SETBP1: variants seen among roughly 807,000 people sequenced by gnomAD.
SETBP1 encodes the protein SET binding protein 1, also known as SET-binding protein.
Under a neutral mutation model 101.0 loss-of-function variants are expected in SETBP1, and 9 were observed. The observed-to-expected ratio is 0.09, with a 90% CI of 0.05 to 0.16. SETBP1 has a LOEUF of 0.16. SETBP1 is among the 10% of genes least tolerant of loss of function. SETBP1 has a pLI of 1.00. For synonymous variants in SETBP1, 818 were observed against 788.5 expected (o/e 1.04, Z -0.63); for missense variants, 1,858 against 2,033.8 (o/e 0.91, Z 1.66).
chr18:44,845,177 GA>G (rs1343606533), intron 2 of SETBP1, among the ~76,000 whole-genome samples: 1 of 152,168 alleles, frequency 6.6e-6, no homozygotes, highest in Non-Finnish European at 1.5e-5. Flanking sequence ...GAAGAGGTTT[GA>G]TTGAGTGTGG....
chr18:44,848,715 G>A (rs2072781418), intron 2 of SETBP1, among the ~76,000 whole-genome samples: 1 of 152,222 alleles, frequency 6.6e-6, no homozygotes, highest in African/African-American at 2.4e-5. Context: ...TTCTGACAAT[G>A]CATAATCTCC....
chr18:44,826,756 C>T (rs926190467), intron 2 of SETBP1, among the ~76,000 whole-genome samples: 3 of 152,062 alleles, frequency 2.0e-5, no homozygotes, highest in East Asian at 1.9e-4. Flanking sequence ...GAAGGAGCTG[C>T]GGGTGGGGAG....
At chr18:44,833,180 C>G (rs2072414506) in intron 2 of SETBP1, among the ~76,000 whole-genome samples, 2 of 152,244 alleles carry the variant, frequency 1.3e-5, no homozygotes, top group African/African-American at 4.8e-5. Context: ...TACAAAATCT[C>G]AGGCCTCACC....
intron 5 of SETBP1, among the ~76,000 whole-genome samples, chr18:45,039,524 C>T (rs766579429): frequency 2.6e-5 from 4 of 152,212 alleles, no homozygotes; most frequent in African/African-American, 9.6e-5. Flanking sequence ...CCCCTCATTT[C>T]GTAGACTGCA....
chr18:44,838,333 T>C (rs767308471), intron 2 of SETBP1, among the ~76,000 whole-genome samples: 2 of 152,184 alleles, frequency 1.3e-5, no homozygotes, highest in African/African-American at 4.8e-5. Flanking sequence ...CGCAGTGTCT[T>C]CTTATGGATG....
At chr18:44,770,086 C>A (rs1397608594) in intron 2 of SETBP1, among the ~76,000 whole-genome samples, 1 of 152,216 alleles carries the variant, frequency 6.6e-6, no homozygotes, top group Admixed American at 6.5e-5. Context: ...CCTCCCAGCT[C>A]TTTTGAGAAA....
At position 44,951,621 on chromosome 18, in the gene SETBP1, G is replaced by A. The variant is rs745506540; in HGVS notation, c.2281G>A (p.Val761Met). 13 of 1,614,136 alleles carry A rather than the reference G, an allele frequency of 8.1e-6. No individual in the cohort carries two copies. The highest frequency in any genetic ancestry group is 1.7e-5 in the Admixed American group (1 of 60,014). The change falls in exon 4 of 6, where the codon GTG becomes ATG. Residue 761 changes from valine to methionine, a missense_variant. Around this residue, in one of 12 missense-constraint regions of SETBP1, gnomAD observed 121 missense variants for 138.0 expected, o/e 0.88. Coordinates refer to ENST00000649279, the MANE Select transcript of SETBP1 (RefSeq NM_015559.3). The surrounding 1 kb of genome is among the most constrained non-coding windows in gnomAD (Gnocchi z 7.8). ...TTCTAGCCAGCCGGATGTTCCAGCC[G>A]TGCCTTCCAACTTTCAGTCACTTGT... is the stretch of plus-strand genomic sequence containing the variant. Reference protein sequence around the residue: ...PVSSQPDVPAVPSNFQSLVAS... With the variant: ...PVSSQPDVPAMPSNFQSLVAS...
chr18:44,985,827 A>G (rs969460988), intron 4 of SETBP1, among the ~76,000 whole-genome samples: 1 of 152,228 alleles, frequency 6.6e-6, no homozygotes, highest in Non-Finnish European at 1.5e-5. Flanking sequence ...ACAGATTTAC[A>G]ATGAAGGGCA....
chr18:44,890,913 T>C (rs1460240788), intron 3 of SETBP1, among the ~76,000 whole-genome samples: 1 of 152,128 alleles, frequency 6.6e-6, no homozygotes, highest in African/African-American at 2.4e-5. Flanking sequence ...TCTAGGGTTC[T>C]TGGCAAACAC....
At chr18:44,975,478 C>T (rs1213343600) in intron 4 of SETBP1, among the ~76,000 whole-genome samples, 1 of 152,144 alleles carries the variant, frequency 6.6e-6, no homozygotes, top group African/African-American at 2.4e-5. Context: ...AGGTTCGATA[C>T]TCAGTGAACT....
At chr18:44,833,023 A>G (rs1374833088) in intron 2 of SETBP1, among the ~76,000 whole-genome samples, 2 of 152,208 alleles carry the variant, frequency 1.3e-5, no homozygotes, top group Non-Finnish European at 2.9e-5. Context: ...TACTGGGGAC[A>G]GTGGAGGTGG....
chr18:44,868,610 G>A (rs2069180964), intron 2 of SETBP1, among the ~76,000 whole-genome samples: 2 of 151,608 alleles, frequency 1.3e-5, no homozygotes, highest in African/African-American at 2.4e-5. Context: ...CAGGAGAATT[G>A]CTTGAACCTG....
intron 1 of SETBP1, among the ~76,000 whole-genome samples, chr18:44,682,891 T>A (rs943441080): frequency 2.6e-5 from 4 of 151,908 alleles, no homozygotes; most frequent in African/African-American, 4.8e-5. Context: ...TATAGTAACC[T>A]GAGCTGAGCT....
chr18:44,695,477 G>GT (rs2068999479), intron 1 of SETBP1, among the ~76,000 whole-genome samples: 1 of 152,212 alleles, frequency 6.6e-6, no homozygotes, highest in Non-Finnish European at 1.5e-5. Flanking sequence ...GCCAGCCTCT[G>GT]TTTTCCCTTC....
At chr18:44,779,036 G>T in intron 2 of SETBP1, among the ~76,000 whole-genome samples, 1 of 152,300 alleles carries the variant, frequency 6.6e-6, no homozygotes, top group Admixed American at 6.5e-5. Context: ...TCTGGCCACC[G>T]CCGTGTGTTG....
chr18:44,974,236 T>G (rs2071935027), intron 4 of SETBP1, among the ~76,000 whole-genome samples: 1 of 152,176 alleles, frequency 6.6e-6, no homozygotes, highest in African/African-American at 2.4e-5. Flanking sequence ...CACATTTAAG[T>G]GGCATTGCTT....
chr18:45,029,252 C>A (rs909614398), intron 4 of SETBP1, among the ~76,000 whole-genome samples: 4 of 152,196 alleles, frequency 2.6e-5, no homozygotes, highest in African/African-American at 9.6e-5. Flanking sequence ...TTCCCAGCAC[C>A]ATTTATTAAA....
intron 4 of SETBP1, among the ~76,000 whole-genome samples, chr18:45,010,761 C>T (rs1475379673): frequency 1.3e-5 from 2 of 152,122 alleles, no homozygotes; most frequent in African/African-American, 4.8e-5. Flanking sequence ...TAAATAAATA[C>T]TCATGTTTTA....
chr18:45,011,382 C>G (rs1249087019), intron 4 of SETBP1, among the ~76,000 whole-genome samples: 1 of 152,160 alleles, frequency 6.6e-6, no homozygotes, highest in Non-Finnish European at 1.5e-5. Context: ...CCCAGGGCTT[C>G]AGAGAGACTA....
Sources: allele counts gnomAD v4.1 joint callset (sites outside exome capture counted in the v4.1 genomes callset), GRCh38; gene constraint gnomAD v4.1.1; regional missense constraint gnomAD v4.1.1; non-coding constraint Gnocchi (gnomAD v3.1); transcripts MANE v1.5; gene names NCBI Gene and HGNC (gene_info 2026-07-23, HGNC 2026-07-21).